The following DOCK4 variants were observed in gnomAD, a reference collection of about 807,000 sequenced individuals.
DOCK4 encodes dedicator of cytokinesis protein 4.
Under a neutral mutation model 268.1 loss-of-function variants are expected in DOCK4, and 97 were observed. The observed-to-expected ratio is 0.36, with a 90% CI of 0.31 to 0.43. The LOEUF (loss-of-function observed/expected upper bound fraction) is 0.43, where lower values mean the gene tolerates loss of function less well. Ranked by LOEUF, DOCK4 falls within the 20% of genes least tolerant of loss-of-function variation. The pLI, the probability that DOCK4 is intolerant of heterozygous loss-of-function variation, is 1.00. For synonymous variants in DOCK4, 954 were observed against 887.2 expected (o/e 1.08, Z -1.34); for missense variants, 2,145 against 2,455.7 (o/e 0.87, Z 2.67).
chr7:111,932,035 G>A (rs1794246253), intron 12 of DOCK4, among the ~76,000 whole-genome samples: 2 of 152,170 alleles, frequency 1.3e-5, no homozygotes, highest in Non-Finnish European at 2.9e-5. Context: ...TAAGGATACA[G>A]GATCACTTAT....
intron 16 of DOCK4, among the ~76,000 whole-genome samples, chr7:111,893,605 C>T (rs1808475610): frequency 6.6e-6 from 1 of 152,160 alleles, no homozygotes; most frequent in South Asian, 2.1e-4. Context: ...CAGCCTCAGA[C>T]CTAAAGCTGA....
chr7:112,049,315 T>TATC (rs1325355359), intron 1 of DOCK4, among the ~76,000 whole-genome samples: 1 of 152,156 alleles, frequency 6.6e-6, no homozygotes, highest in African/African-American at 2.4e-5. Flanking sequence ...AATGGTGTAA[T>TATC]ATCACTTGAA....
At chr7:111,826,418 GT>G (rs1802392981) in intron 26 of DOCK4, among the ~76,000 whole-genome samples, 1 of 152,166 alleles carries the variant, frequency 6.6e-6, no homozygotes, top group African/African-American at 2.4e-5. Context: ...TCGAATTTGT[GT>G]TTTAGATTTT....
chr7:112,092,465 A>C (rs1563076083), intron 1 of DOCK4, among the ~76,000 whole-genome samples: 1 of 152,154 alleles, frequency 6.6e-6, no homozygotes, highest in African/African-American at 2.4e-5. Context: ...ACGTGTGCAC[A>C]CTTTTGATCT....
chr7:111,895,770 T>C, intron 15 of DOCK4, 52 bp from the exon 16 acceptor site: 1 of 1,524,126 alleles, frequency 6.6e-7, no homozygotes, highest in Admixed American at 1.7e-5. Context: ...TTCAGGTACA[T>C]AGTTTGTCAA....
intron 49 of DOCK4, among the ~76,000 whole-genome samples, chr7:111,738,736 G>A (rs976221280): frequency 4.6e-5 from 7 of 152,132 alleles, no homozygotes; most frequent in Admixed American, 6.6e-5. Context: ...TCAGGAGTTC[G>A]AGACCAGCCT....
intron 27 of DOCK4, chr7:111,819,939 G>A (rs532070724): frequency 1.3e-5 from 2 of 152,334 alleles, no homozygotes; most frequent in East Asian, 3.9e-4. Flanking sequence ...CCTGCAACGT[G>A]CTTCAACATG....
chr7:112,081,205 T>A (rs184306558), intron 1 of DOCK4, among the ~76,000 whole-genome samples: 2 of 152,158 alleles, frequency 1.3e-5, no homozygotes, highest in South Asian at 2.1e-4. Flanking sequence ...GCGAATCCTG[T>A]GGGCAATTCA....
At chr7:111,834,524 G>T in intron 26 of DOCK4, 64 bp downstream of exon 26, 2 of 1,221,930 alleles carry the variant, frequency 1.6e-6, no homozygotes, top group Non-Finnish European at 2.3e-6. Flanking sequence ...TCTCAACAGT[G>T]ATGAATAAAA....
chr7:112,188,058 A>G (rs1819621264), intron 1 of DOCK4, among the ~76,000 whole-genome samples: 1 of 152,250 alleles, frequency 6.6e-6, no homozygotes. Context: ...AGGGAAGTAG[A>G]GTGGTTTTAT....
chr7:112,026,630 A>G (rs1033773777), intron 1 of DOCK4, among the ~76,000 whole-genome samples: 1 of 152,246 alleles, frequency 6.6e-6, no homozygotes, highest in Non-Finnish European at 1.5e-5. Context: ...TAAAAATTAT[A>G]TAAAATTCAA....
chr7:111,954,935 G>A (rs1363726745), intron 8 of DOCK4, among the ~76,000 whole-genome samples: 2 of 152,150 alleles, frequency 1.3e-5, no homozygotes. Flanking sequence ...TGGAGATCCT[G>A]ATTGACTGGG....
At chr7:112,098,080 T>C (rs1446721850) in intron 1 of DOCK4, among the ~76,000 whole-genome samples, 1 of 152,250 alleles carries the variant, frequency 6.6e-6, no homozygotes, top group African/African-American at 2.4e-5. Context: ...TGAAAAGTCA[T>C]ATGCACTAAA....
rs996764745 is a variant in DOCK4, at chr7:111,746,511, G to A, written c.4594-94C>T. On this transcript the variant is annotated intron_variant, in intron 43 of 52. Transcript: ENST00000428084. ...AAAGACCTGGCATCTTTATGGAAATGACACCATTACAAACCACATTTTGGG... is the reference window on the plus strand; with the variant it reads ...AAAGACCTGGCATCTTTATGGAAATAACACCATTACAAACCACATTTTGGG... 4.0e-6 allele frequency: 4 copies of A among 996,164 alleles called. No individual in the cohort carries two copies. In the African/African-American group the frequency reaches 6.5e-5, roughly 16 times the overall value. 61.7% of individuals were successfully genotyped at this position (996,164 alleles called of 1,614,324 possible). A position where few individuals can be genotyped will look rare whatever the true frequency, so the allele number is the denominator to read the frequency against.
At chr7:112,150,780 G>T (rs1815983837) in intron 1 of DOCK4, among the ~76,000 whole-genome samples, 1 of 152,118 alleles carries the variant, frequency 6.6e-6, no homozygotes, top group Non-Finnish European at 1.5e-5. Context: ...AAGTCCCAAT[G>T]TTAGACCATG....
intron 30 of DOCK4, among the ~76,000 whole-genome samples, chr7:111,805,646 A>C (rs1800614884): frequency 6.6e-6 from 1 of 152,230 alleles, no homozygotes; most frequent in South Asian, 2.1e-4. Context: ...TCACTGAATT[A>C]CATGTGTCTT....
At chr7:112,185,236 C>T (rs919732558) in intron 1 of DOCK4, among the ~76,000 whole-genome samples, 5 of 152,154 alleles carry the variant, frequency 3.3e-5, no homozygotes, top group African/African-American at 9.6e-5. Context: ...CTGGTGACTG[C>T]CTGGCAGGAG....
At chr7:112,050,848 A>T (rs993991508) in intron 1 of DOCK4, among the ~76,000 whole-genome samples, 3 of 152,174 alleles carry the variant, frequency 2.0e-5, no homozygotes, top group African/African-American at 7.2e-5. Flanking sequence ...GTATTACTAA[A>T]ATCCAAATTC....
intron 1 of DOCK4, among the ~76,000 whole-genome samples, chr7:112,134,906 T>C (rs1015699876): frequency 1.4e-4 from 21 of 152,154 alleles, no homozygotes; most frequent in Non-Finnish European, 2.5e-4. Context: ...TAATACATCA[T>C]AATAAAACAC....
Sources: allele counts gnomAD v4.1 joint callset (sites outside exome capture counted in the v4.1 genomes callset), GRCh38; gene constraint gnomAD v4.1.1; transcripts MANE v1.5; gene names NCBI Gene and HGNC (gene_info 2026-07-23, HGNC 2026-07-21).